Variants in CAMTA1 observed in about 807,000 individuals in gnomAD.
The protein encoded by CAMTA1 is calmodulin binding transcription activator 1, also known as calmodulin-binding transcription activator 1.
In CAMTA1, 27 loss-of-function variants were observed where a neutral mutation model predicts 170.9. The observed-to-expected ratio is 0.16, with a 90% CI of 0.12 to 0.22. The LOEUF (loss-of-function observed/expected upper bound fraction) is 0.22. Among genes scored for constraint, CAMTA1 ranks in the 10% least tolerant of loss-of-function variants. The pLI is 1.00. For missense variants in CAMTA1, 1,619 were observed against 2,217.2 expected, an observed-to-expected ratio of 0.73 and a Z score of 5.42; for synonymous variants, 833 against 891.5, an observed-to-expected ratio of 0.93 and a Z score of 1.17.
chr1:7,572,135 T>A (rs984625660), intron 6 of CAMTA1, among the ~76,000 whole-genome samples: 5 of 152,280 alleles, frequency 3.3e-5, no homozygotes, highest in African/African-American at 1.2e-4. Context: ...ATGTATGTCT[T>A]CTTTTGAAAA....
rs184421966 is a variant in CAMTA1 at position 7,027,927 on chromosome 1, C to T, written c.235-63377C>T. On this transcript the variant is annotated intron_variant, in intron 3 of 22. Coordinates refer to ENST00000303635, the MANE Select transcript of CAMTA1 (RefSeq NM_015215.4). ...TTCTTTTCTTTTTTTTTTTTTGAGA[C>T]GGAGCTTCACTCTGTTGCCCAGGCT... Among the ~76,000 whole-genome samples the T allele has an allele frequency of 5.2e-3, 762 of 147,928 alleles. 6 individuals are homozygous for T. Among genetic ancestry groups the T allele is most frequent in the African/African-American group, 0.018 (727 of 39,986 alleles).
chr1:7,716,198 A>G (rs1247123362), intron 11 of CAMTA1, among the ~76,000 whole-genome samples: 2 of 152,072 alleles, frequency 1.3e-5, no homozygotes, highest in African/African-American at 2.4e-5. Context: ...GTGCCCAGCT[A>G]ATTTTTTTAT....
chr1:7,659,423 A>G (rs1245593900), intron 7 of CAMTA1, among the ~76,000 whole-genome samples: 1 of 152,160 alleles, frequency 6.6e-6, no homozygotes, highest in African/African-American at 2.4e-5. Flanking sequence ...AATCCCAGCT[A>G]TTCAGGAGGC....
chr1:7,328,656 G>A (rs996316730), intron 5 of CAMTA1, among the ~76,000 whole-genome samples: 1 of 150,786 alleles, frequency 6.6e-6, no homozygotes, highest in African/African-American at 2.4e-5. Flanking sequence ...TCTCTGTATT[G>A]GCTTCCTTAG....
At chr1:7,338,701 C>G (rs752097581) in intron 5 of CAMTA1, among the ~76,000 whole-genome samples, 40 of 152,324 alleles carry the variant, frequency 2.6e-4, no homozygotes, top group South Asian at 6.2e-4. Flanking sequence ...GGTGATGAAA[C>G]TACAGTGGGG....
chr1:7,395,899 C>T (rs1334635001), intron 5 of CAMTA1, among the ~76,000 whole-genome samples: 1 of 151,942 alleles, frequency 6.6e-6, no homozygotes, highest in African/African-American at 2.4e-5. Context: ...TATAAAAAAA[C>T]CTCCTGATTT....
At chr1:6,899,233 A>G (rs1030118627) in intron 3 of CAMTA1, among the ~76,000 whole-genome samples, 2 of 152,184 alleles carry the variant, frequency 1.3e-5, no homozygotes, top group Admixed American at 1.3e-4. Context: ...TGTTTTCCTG[A>G]TGGATGGAGC....
chr1:6,905,289 G>T (rs1678180639), intron 3 of CAMTA1, among the ~76,000 whole-genome samples: 1 of 151,064 alleles, frequency 6.6e-6, no homozygotes, highest in Admixed American at 6.6e-5. Flanking sequence ...CACCTCCCGG[G>T]TTCGAGCAAT....
At chr1:6,985,229 G>A (rs1557928632) in intron 3 of CAMTA1, among the ~76,000 whole-genome samples, 2 of 152,200 alleles carry the variant, frequency 1.3e-5, no homozygotes, top group Non-Finnish European at 2.9e-5. Flanking sequence ...CTGTAGCTAC[G>A]GGGGCCCCTC....
At chr1:7,118,885 A>G (rs1644489199) in intron 4 of CAMTA1, among the ~76,000 whole-genome samples, 1 of 152,234 alleles carries the variant, frequency 6.6e-6, no homozygotes, top group Non-Finnish European at 1.5e-5. Flanking sequence ...ACCCATTTGT[A>G]TAACAAGCTG....
At chr1:7,012,379 G>C (rs1699926278) in intron 3 of CAMTA1, among the ~76,000 whole-genome samples, 1 of 152,116 alleles carries the variant, frequency 6.6e-6, no homozygotes, top group Admixed American at 6.5e-5. Context: ...TGAGGCCCTG[G>C]CTCTGTCCAC....
chr1:7,704,160 G>C (rs1294460352), intron 11 of CAMTA1, among the ~76,000 whole-genome samples: 1 of 149,998 alleles, frequency 6.7e-6, no homozygotes, highest in Non-Finnish European at 1.5e-5. Context: ...CATTGCAGAC[G>C]CCGCCGCCGC....
At chr1:7,563,594 G>A (rs762076572) in intron 6 of CAMTA1, among the ~76,000 whole-genome samples, 7 of 152,224 alleles carry the variant, frequency 4.6e-5, no homozygotes, top group Non-Finnish European at 7.3e-5. Flanking sequence ...GCTTGGGGTG[G>A]CTCTGATGGC....
In CAMTA1 at chr1:7,641,794, G is replaced by A. The variant is rs780118614; in HGVS notation, c.664+1241G>A. 9.2e-5 allele frequency among the ~76,000 whole-genome samples: 14 copies of A among 152,080 alleles called. No individual in the cohort carries two copies. Among genetic ancestry groups the A allele is most frequent in the East Asian group, 1.9e-4 (1 of 5,178 alleles). Reference sequence around the variant, plus strand: ...CCTCAGTGCTTCTGCCTGGAACCTCGAGGCAGGCAGCCCAGGGACCTCCTG... The same window carrying A: ...CCTCAGTGCTTCTGCCTGGAACCTCAAGGCAGGCAGCCCAGGGACCTCCTG... On this transcript the variant is annotated intron_variant, in intron 7 of 22. Transcript: ENST00000303635. The surrounding 1 kb of genome is among the most constrained non-coding windows in gnomAD (Gnocchi z 4.5).
rs1573474907 is a variant in CAMTA1, at chr1:7,150,464, C to T, written c.302+59093C>T. Among the ~76,000 whole-genome samples the T allele has an allele frequency of 2.0e-5, 3 of 152,252 alleles. No homozygotes were observed. The Middle Eastern group carries it at 0.01, about 518-fold the overall frequency. ...GACACCAATGCCTCTACACCCAGGC[C>T]TCTCCATGCAGGTGTTATGGACATT... On this transcript the variant is annotated intron_variant, in intron 4 of 22. Coordinates refer to ENST00000303635, the MANE Select transcript of CAMTA1 (RefSeq NM_015215.4).
chr1:6,834,195 T>TTTTAAGTTGTACAATTCAGTAGTTG (rs1475235210), intron 3 of CAMTA1: 2 of 151,410 alleles, frequency 1.3e-5, no homozygotes, highest in Non-Finnish European at 2.9e-5. Context: ...TTTTACTTAC[T>TTTTAAGTTGTACAATTCAGTAGTTG]TTTAAGTTGT....
intron 3 of CAMTA1, among the ~76,000 whole-genome samples, chr1:6,962,724 A>G (rs1572062294): frequency 9.0e-6 from 1 of 111,250 alleles, no homozygotes; most frequent in Non-Finnish European, 1.8e-5. Context: ...CCCCTGCCCC[A>G]TGGCTGGCCC....
At chr1:7,604,712 G>A (rs139232575) in intron 6 of CAMTA1, among the ~76,000 whole-genome samples, 1,723 of 152,258 alleles carry the variant, frequency 0.011, 23 homozygotes, top group African/African-American at 0.038. Flanking sequence ...GCTTTGTTCC[G>A]TTGCTGGTGA....
intron 3 of CAMTA1, among the ~76,000 whole-genome samples, chr1:7,043,108 C>T (rs985568152): frequency 1.3e-5 from 2 of 152,172 alleles, no homozygotes; most frequent in African/African-American, 4.8e-5. Context: ...CCTGGCAGGA[C>T]GGGACAGGTG....
Sources: allele counts gnomAD v4.1 joint callset (sites outside exome capture counted in the v4.1 genomes callset), GRCh38; gene constraint gnomAD v4.1.1; non-coding constraint Gnocchi (gnomAD v3.1); transcripts MANE v1.5; gene names NCBI Gene and HGNC (gene_info 2026-07-23, HGNC 2026-07-21).